PCCB: variants seen among roughly 807,000 people sequenced by gnomAD.
PCCB encodes the protein propionyl-CoA carboxylase beta chain, mitochondrial.
Under a neutral mutation model 60.7 loss-of-function variants are expected in PCCB, and 43 were observed. That is an observed-to-expected ratio of 0.71 (90% CI 0.55 to 0.91). The LOEUF (loss-of-function observed/expected upper bound fraction) is 0.91. PCCB is among the 40% of genes least tolerant of loss of function. The pLI, the probability that PCCB is intolerant of heterozygous loss-of-function variation, is 0.00. For synonymous variants in PCCB, 276 were observed against 255.9 expected (o/e 1.08, Z -0.75); for missense variants, 766 against 702.8 (o/e 1.09, Z -1.02).
At chr3:136,255,823 T>A in intron 1 of PCCB, 33 bp from the exon 2 acceptor site, 1 of 1,596,862 alleles carries the variant, frequency 6.3e-7, no homozygotes, top group South Asian at 1.1e-5. Flanking sequence ...TTGTCTGTGA[T>A]GACATCACTG....
intron 5 of PCCB, among the ~76,000 whole-genome samples, chr3:136,271,793 A>G (rs1332743915): frequency 1.3e-5 from 2 of 152,204 alleles, no homozygotes; most frequent in Non-Finnish European, 2.9e-5. Context: ...ATATATGATC[A>G]TATCACTGAT....
At chr3:136,316,863 A>G in intron 9 of PCCB, 78 bp from the exon 10 acceptor site, 3 of 1,515,206 alleles carry the variant, frequency 2.0e-6, no homozygotes, top group Non-Finnish European at 2.8e-6. Context: ...TCTGTAATAG[A>G]AATGTCATTC....
At chr3:136,321,907 T>C (rs1477436598) in intron 10 of PCCB, among the ~76,000 whole-genome samples, 3 of 152,282 alleles carry the variant, frequency 2.0e-5, no homozygotes, top group Non-Finnish European at 2.9e-5. Flanking sequence ...ATTTTCTGTA[T>C]GGACAATTTT....
intron 6 of PCCB, among the ~76,000 whole-genome samples, chr3:136,291,903 T>A (rs929850040): frequency 2.0e-5 from 3 of 152,166 alleles, no homozygotes; most frequent in Admixed American, 1.3e-4. Flanking sequence ...CCCCAATGAT[T>A]GGCCGGCCCT....
intron 9 of PCCB, among the ~76,000 whole-genome samples, chr3:136,308,831 T>C (rs781665794): frequency 1.3e-5 from 2 of 151,806 alleles, no homozygotes; most frequent in Non-Finnish European, 2.9e-5. Context: ...AATTCTTGGA[T>C]GAAAGGGGAA....
In PCCB at chr3:136,268,161, T is replaced by C. The variant is rs1942087745; in HGVS notation, c.543+6096T>C. ...ATATATCTACATACACAAGTACATA[T>C]AAGAGAGCCCAGCCAGCTTTCTTAT... On this transcript the variant is annotated intron_variant, in intron 5 of 14. Coordinates refer to ENST00000251654, the MANE Select transcript of PCCB (RefSeq NM_000532.5). Among the ~76,000 whole-genome samples the C allele has an allele frequency of 2.8e-5, 4 of 143,274 alleles. No individual in the cohort carries two copies. In the South Asian group the frequency reaches 8.7e-4, roughly 31 times the overall value. 94.0% of individuals were successfully genotyped at this position (143,274 alleles called of 152,430 possible). A position where few individuals can be genotyped will look rare whatever the true frequency, so the allele number is the denominator to read the frequency against.
intron 11 of PCCB, 25 bp downstream of exon 11, chr3:136,326,935 T>C: frequency 2.1e-6 from 3 of 1,463,178 alleles, no homozygotes; most frequent in Non-Finnish European, 1.9e-6. Flanking sequence ...GAGTGGGGGC[T>C]AGGAGAGTTG....
intron 6 of PCCB, among the ~76,000 whole-genome samples, chr3:136,286,220 T>C (rs1286865893): frequency 6.6e-6 from 1 of 152,198 alleles, no homozygotes; most frequent in African/African-American, 2.4e-5. Context: ...AACAATTTCT[T>C]ATGTCAGAGA....
At chr3:136,287,044 A>T (rs894364788) in intron 6 of PCCB, among the ~76,000 whole-genome samples, 2 of 150,932 alleles carry the variant, frequency 1.3e-5, no homozygotes, top group African/African-American at 2.5e-5. Context: ...AAAAAAAAAA[A>T]AAATAATAAA....
In PCCB at chr3:136,326,235, G is replaced by T. The variant is rs1425479155; in HGVS notation, c.1091-568G>T. 5 of 668,154 alleles carry T rather than the reference G, an allele frequency of 7.5e-6. No homozygotes were observed. The African/African-American group carries it at 9.0e-5, about 12-fold the overall frequency. 41.4% of individuals were successfully genotyped at this position (668,154 alleles called of 1,614,324 possible). A position where few individuals can be genotyped will look rare whatever the true frequency, so the allele number is the denominator to read the frequency against. ...GGTCCTTGTCTTGCTTTGGTATTGG[G>T]GTAATACTGGTCTCATAGAATTAAG... On this transcript the variant is annotated intron_variant, in intron 10 of 14. Coordinates refer to ENST00000251654, the MANE Select transcript of PCCB (RefSeq NM_000532.5).
At position 136,256,408 on chromosome 3, in the gene PCCB, T is replaced by A. The variant is rs113593719; in HGVS notation, c.304-147T>A. ...GCTTGCTGTTGTAGAGCTGGGAAAGTGGGGTGGGATTCCTTCATGTTCCTT... is the reference window on the plus strand; with the variant it reads ...GCTTGCTGTTGTAGAGCTGGGAAAGAGGGGTGGGATTCCTTCATGTTCCTT... On this transcript the variant is annotated intron_variant, in intron 2 of 14. Coordinates refer to ENST00000251654, the MANE Select transcript of PCCB (RefSeq NM_000532.5). The A allele has an allele frequency of 8.3e-3, 5,751 of 691,158 alleles. 38 individuals are homozygous for A. Among genetic ancestry groups the A allele is most frequent in the Middle Eastern group, 0.026 (104 of 4,002 alleles). The allele number at this position is 691,158 out of a possible 1,614,324, so 42.8% of individuals were successfully genotyped here.
At chr3:136,266,040 T>C (rs1444783776) in intron 5 of PCCB, among the ~76,000 whole-genome samples, 3 of 152,014 alleles carry the variant, frequency 2.0e-5, no homozygotes, top group Non-Finnish European at 4.4e-5. Flanking sequence ...TTAGCTAGGA[T>C]GGTCTCGATC....
chr3:136,261,735 C>T (rs1020483543), intron 4 of PCCB, among the ~76,000 whole-genome samples: 1 of 152,150 alleles, frequency 6.6e-6, no homozygotes, highest in Non-Finnish European at 1.5e-5. Flanking sequence ...TGCTTTGGCT[C>T]TTGGGTGTTT....
At position 136,259,029 on chromosome 3, in the gene PCCB, C is replaced by G. The variant is rs968021567; in HGVS notation, c.373-1450C>G. On this transcript the variant is annotated intron_variant, in intron 3 of 14. Transcript: ENST00000251654. ...TCTTATTCTCACAGCTGATTCTGTT[C>G]TTAATTCCTAACTGTCTTTTTGAGG... is the stretch of plus-strand genomic sequence containing the variant. 5 of 630,910 alleles carry G rather than the reference C, an allele frequency of 7.9e-6. No homozygotes were observed. The African/African-American group carries it at 9.5e-5, about 12-fold the overall frequency. The allele number at this position is 630,910 out of a possible 1,614,324, so 39.1% of individuals were successfully genotyped here.
intron 5 of PCCB, 94 bp downstream of exon 5, chr3:136,262,159 CTCTGCCGCATTGTGT>C (rs1559998871): frequency 1.2e-6 from 1 of 803,036 alleles, no homozygotes. Flanking sequence ...CCTCATTGTT[CTCTGCCGCATTGTGT>C]CTGTTCTGTG....
At position 136,328,818 on chromosome 3, in the gene PCCB, A is replaced by G. The variant is rs533219791; in HGVS notation, c.1459A>G (p.Ile487Val). 6.2e-7 allele frequency: 1 copy of G among 1,614,214 alleles called. No homozygotes were observed. Among genetic ancestry groups the G allele is most frequent in the East Asian group, 2.2e-5 (1 of 44,880 alleles). Residue 487 changes from isoleucine (I) to valine (V), a missense_variant, in exon 14 of 15, where the codon ATC becomes GTC. Physicochemically the swap from Ile to Val is conservative, Grantham distance 29 (BLOSUM62 3). Coordinates refer to ENST00000251654, the MANE Select transcript of PCCB (RefSeq NM_000532.5). ...ENVEAAQAEY[I>V]EKFANPFPAA... ...TGTGGAAGCTGCTCAGGCAGAGTACATCGAGAAGTTTGCCAACCCTTTCCC... is the reference window on the plus strand; with the variant it reads ...TGTGGAAGCTGCTCAGGCAGAGTACGTCGAGAAGTTTGCCAACCCTTTCCC...
chr3:136,294,812 C>T (rs1378405676), intron 7 of PCCB, among the ~76,000 whole-genome samples: 4 of 151,298 alleles, frequency 2.6e-5, no homozygotes, highest in African/African-American at 9.7e-5. Flanking sequence ...GAGATGTGGT[C>T]TCACTGTGTT....
intron 1 of PCCB, chr3:136,255,606 T>A: frequency 1.9e-6 from 1 of 523,292 alleles, no homozygotes; most frequent in Non-Finnish European, 3.5e-6. Context: ...CTCTACCTTT[T>A]CCTCGTCCTA....
At chr3:136,301,673 G>A (rs900567867) in intron 9 of PCCB, among the ~76,000 whole-genome samples, 12 of 152,118 alleles carry the variant, frequency 7.9e-5, no homozygotes, top group Admixed American at 5.9e-4. Flanking sequence ...GGTACACTGT[G>A]CTCTCGGTAG....
Sources: allele counts gnomAD v4.1 joint callset (sites outside exome capture counted in the v4.1 genomes callset), GRCh38; gene constraint gnomAD v4.1.1; transcripts MANE v1.5; gene names NCBI Gene and HGNC (gene_info 2026-07-23, HGNC 2026-07-21).